Variants in GALNTL6 observed in about 807,000 individuals in gnomAD.
GALNTL6 encodes polypeptide N-acetylgalactosaminyltransferase like 6, also known as polypeptide N-acetylgalactosaminyltransferase-like 6.
A neutral mutation model predicts 73.7 loss-of-function variants in GALNTL6; 46 were observed. The observed-to-expected ratio is 0.62, with a 90% CI of 0.49 to 0.80. The LOEUF (loss-of-function observed/expected upper bound fraction) is 0.80, where lower values mean the gene tolerates loss of function less well. Ranked by LOEUF, GALNTL6 falls within the 30% of genes least tolerant of loss-of-function variation. The pLI, the probability that GALNTL6 is intolerant of heterozygous loss-of-function variation, is 0.00. For missense variants in GALNTL6, 604 were observed against 755.0 expected, an observed-to-expected ratio of 0.80 and a Z score of 2.34; for synonymous variants, 259 against 263.7, an observed-to-expected ratio of 0.98 and a Z score of 0.17.
intron 5 of GALNTL6, among the ~76,000 whole-genome samples, chr4:172,497,733 A>C (rs1734114459): frequency 1.3e-5 from 2 of 152,210 alleles, no homozygotes; most frequent in African/African-American, 4.8e-5. Context: ...CTGAAGAATC[A>C]CTGTGGTCAT....
At chr4:172,295,157 C>G (rs1739621279) in intron 3 of GALNTL6, among the ~76,000 whole-genome samples, 1 of 152,114 alleles carries the variant, frequency 6.6e-6, no homozygotes, top group Non-Finnish European at 1.5e-5. Flanking sequence ...CGTGGTGGCT[C>G]ACGTCTGTAA....
chr4:172,626,198 T>C (rs998921420), intron 5 of GALNTL6, among the ~76,000 whole-genome samples: 34 of 152,080 alleles, frequency 2.2e-4, no homozygotes, highest in Admixed American at 2.1e-3. Flanking sequence ...ATTTTATGTA[T>C]GATGAAACGT....
rs778156050 is a variant in GALNTL6, at chr4:172,206,805, G to GTTTTTTTTTTTTT, written c.139-22843_139-22842insTTTTTTTTTTTTT. Reference sequence around the variant, plus strand: ...TTGTTTTGTTTTGTTTTGTTTTTCTGTTTTTTTTGTTTGTTTTTTTTTTTT... The same window carrying GTTTTTTTTTTTTT: ...TTGTTTTGTTTTGTTTTGTTTTTCTGTTTTTTTTTTTTTTTTTTTTTGTTTGTTTTTTTTTTTT... On this transcript the variant is annotated intron_variant, in intron 2 of 12. Transcript: ENST00000506823. Among the ~76,000 whole-genome samples the GTTTTTTTTTTTTT allele has an allele frequency of 6.5e-4, 17 of 26,130 alleles. 2 individuals are homozygous for GTTTTTTTTTTTTT. Among genetic ancestry groups the GTTTTTTTTTTTTT allele is most frequent in the African/African-American group, 1.1e-3 (12 of 10,512 alleles). 17.1% of individuals were successfully genotyped at this position (26,130 alleles called of 152,430 possible). A position where few individuals can be genotyped will look rare whatever the true frequency, so the allele number is the denominator to read the frequency against.
chr4:172,538,429 C>T (rs571364859), intron 5 of GALNTL6, among the ~76,000 whole-genome samples: 39 of 152,040 alleles, frequency 2.6e-4, no homozygotes, highest in Non-Finnish European at 5.3e-4. Flanking sequence ...CACTGCACTC[C>T]AGCCTGGGTG....
intron 12 of GALNTL6, among the ~76,000 whole-genome samples, chr4:173,030,260 G>T (rs982512095): frequency 6.6e-6 from 1 of 152,098 alleles, no homozygotes; most frequent in Non-Finnish European, 1.5e-5. Context: ...CTATACATTC[G>T]CCCCAGCAAT....
chr4:172,214,801 C>A (rs753446179), intron 2 of GALNTL6, among the ~76,000 whole-genome samples: 9 of 152,050 alleles, frequency 5.9e-5, no homozygotes, highest in Non-Finnish European at 1.0e-4. Context: ...ATGTGAGGCA[C>A]CGTGCCCGGC....
chr4:172,214,665 C>T (rs1359526765), intron 2 of GALNTL6, among the ~76,000 whole-genome samples: 2 of 151,934 alleles, frequency 1.3e-5, no homozygotes, highest in African/African-American at 4.8e-5. Flanking sequence ...CAGGTACATG[C>T]TCCCATGCCC....
At chr4:172,706,422 C>G (rs187974054) in intron 5 of GALNTL6, among the ~76,000 whole-genome samples, 23 of 152,172 alleles carry the variant, frequency 1.5e-4, no homozygotes, top group African/African-American at 5.5e-4. Context: ...GATCTGAGAG[C>G]TTTCACATAA....
At chr4:172,108,885 C>A (rs1452087251) in intron 2 of GALNTL6, among the ~76,000 whole-genome samples, 1 of 151,576 alleles carries the variant, frequency 6.6e-6, no homozygotes, top group Non-Finnish European at 1.5e-5. Flanking sequence ...TGGTAGCGTG[C>A]GCCCATATTC....
intron 2 of GALNTL6, among the ~76,000 whole-genome samples, chr4:172,111,344 T>C (rs2110979621): frequency 6.6e-6 from 1 of 152,282 alleles, no homozygotes; most frequent in East Asian, 1.9e-4. Flanking sequence ...CAATACTACA[T>C]GATTAAGTAA....
In GALNTL6 at chr4:173,018,469, G is replaced by A. The variant is rs147073963; in HGVS notation, c.1489-3007G>A. Among the ~76,000 whole-genome samples the A allele has an allele frequency of 6.0e-4, 91 of 152,302 alleles. 1 individual carries two copies. In the East Asian group the frequency reaches 0.017, roughly 29 times the overall value. ...TGTGTCATAAATTGTTCTGGGTGCT[G>A]GAAACACAAAGGTAAAAATGCTCCA... On this transcript the variant is annotated intron_variant, in intron 11 of 12. Transcript: ENST00000506823.
At chr4:172,116,111 T>C (rs1188808255) in intron 2 of GALNTL6, among the ~76,000 whole-genome samples, 1 of 152,098 alleles carries the variant, frequency 6.6e-6, no homozygotes, top group East Asian at 1.9e-4. Context: ...GTATTATATG[T>C]GATTTTTCCA....
chr4:172,302,706 G>A (rs1012669629), intron 3 of GALNTL6, among the ~76,000 whole-genome samples: 11 of 152,066 alleles, frequency 7.2e-5, no homozygotes, highest in African/African-American at 2.7e-4. Flanking sequence ...TTTATTGTCA[G>A]AAAAATTCAC....
intron 5 of GALNTL6, among the ~76,000 whole-genome samples, chr4:172,607,414 G>GGTAT (rs144972590): frequency 0.035 from 5,303 of 152,180 alleles, 248 homozygotes; most frequent in African/African-American, 0.1. Flanking sequence ...CTATTCCTGT[G>GGTAT]TTAGTTCACT....
chr4:172,407,301 A>G (rs765908338), intron 5 of GALNTL6, among the ~76,000 whole-genome samples: 2 of 152,086 alleles, frequency 1.3e-5, no homozygotes, highest in African/African-American at 2.4e-5. Flanking sequence ...CAGTAGGCCA[A>G]TGATTAATGA....
rs148255297 is a variant in GALNTL6, at chr4:172,899,426, C to G, written c.1041+16519C>G. On this transcript the variant is annotated intron_variant, in intron 8 of 12. Coordinates refer to ENST00000506823, the MANE Select transcript of GALNTL6 (RefSeq NM_001034845.3). ...CGTCAATCTAAGGCACTTTTAAGAC[C>G]TTTTTGTAGATGCATTTTTAGAAAT... Among the ~76,000 whole-genome samples, 335 of 152,200 alleles carry G rather than the reference C, an allele frequency of 2.2e-3. 1 individual carries two copies. The highest frequency in any genetic ancestry group is 7.4e-3 in the African/African-American group (309 of 41,532).
At chr4:172,902,430 G>C (rs1320166506) in intron 8 of GALNTL6, among the ~76,000 whole-genome samples, 2 of 152,174 alleles carry the variant, frequency 1.3e-5, no homozygotes, top group Non-Finnish European at 2.9e-5. Context: ...TCTGGTAGGA[G>C]ATACAAAGTC....
At chr4:171,992,995 C>G (rs1364765911) in intron 2 of GALNTL6, among the ~76,000 whole-genome samples, 1 of 151,258 alleles carries the variant, frequency 6.6e-6, no homozygotes, top group Non-Finnish European at 1.5e-5. Context: ...CTTTGTTTTG[C>G]TCTGACTCAT....
chr4:172,249,965 G>A (rs932645852), intron 3 of GALNTL6, among the ~76,000 whole-genome samples: 8 of 152,170 alleles, frequency 5.3e-5, no homozygotes, highest in Admixed American at 3.3e-4. Flanking sequence ...TAGTGGAGCT[G>A]TGAGAAGAGG....
Sources: gnomAD v4.1 joint callset for allele counts (sites outside exome capture counted in the v4.1 genomes callset) on GRCh38, gnomAD v4.1.1 for gene constraint, MANE v1.5 for transcripts, NCBI Gene and HGNC (gene_info 2026-07-23, HGNC 2026-07-21) for gene names.